ABR: variants seen among roughly 807,000 people sequenced by gnomAD.
ABR encodes the protein ABR activator of RhoGEF and GTPase.
Under a neutral mutation model 107.2 loss-of-function variants are expected in ABR, and 35 were observed. The ratio of observed to expected loss-of-function variants is 0.33; its 90% CI spans 0.25 to 0.43. The LOEUF (loss-of-function observed/expected upper bound fraction) is 0.43, where lower values mean the gene tolerates loss of function less well. Among genes scored for constraint, ABR ranks in the 20% least tolerant of loss-of-function variants. The pLI, the probability that ABR is intolerant of heterozygous loss-of-function variation, is 1.00. For synonymous variants in ABR, 498 were observed against 462.0 expected (o/e 1.08, Z -1.00); for missense variants, 815 against 1,115.2 (o/e 0.73, Z 3.83).
chr17:1,104,661 C>T (rs2038124949), intron 2 of ABR, among the ~76,000 whole-genome samples: 2 of 152,250 alleles, frequency 1.3e-5, no homozygotes, highest in African/African-American at 4.8e-5. Context: ...CCATCTCAGT[C>T]TCAGGACAGC....
chr17:1,031,708 G>T, intron 16 of ABR: 1 of 1,250,044 alleles, frequency 8.0e-7, no homozygotes, highest in Non-Finnish European at 1.0e-6. Context: ...CCCGCCTTCG[G>T]GCTGCAGTCG....
At chr17:1,089,386 T>C (rs2036862110) in intron 4 of ABR, among the ~76,000 whole-genome samples, 1 of 152,328 alleles carries the variant, frequency 6.6e-6, no homozygotes, top group South Asian at 2.1e-4. Context: ...AGGTAAATAC[T>C]GTTACTATCC....
At chr17:1,226,088 C>T (rs1045266905) in intron 1 of ABR, among the ~76,000 whole-genome samples, 1 of 152,182 alleles carries the variant, frequency 6.6e-6, no homozygotes, top group African/African-American at 2.4e-5. Flanking sequence ...CTGCCTGGAG[C>T]TTGCGTTTGA....
Position 1,050,512 on chromosome 17 carries a change from A to C in ABR, c.1659+25T>G. On this transcript the variant is annotated intron_variant, in intron 15 of 22. Transcript: ENST00000302538. The surrounding 1 kb of genome is among the most constrained non-coding windows in gnomAD (Gnocchi z 4.6). ...GAGCACGGGGTGGTGGGGTCCCCAC[A>C]GAGATGCCAGCCCCTGCCACTCACC... 6.2e-7 allele frequency: 1 copy of C among 1,603,988 alleles called. No homozygotes were observed. The highest frequency in any genetic ancestry group is 8.5e-7 in the Non-Finnish European group (1 of 1,171,164).
At chr17:1,105,914 C>T (rs2038215379) in intron 2 of ABR, among the ~76,000 whole-genome samples, 1 of 152,016 alleles carries the variant, frequency 6.6e-6, no homozygotes, top group Admixed American at 6.6e-5. Flanking sequence ...GGTTAATCTG[C>T]ATTACAAAAG....
intron 1 of ABR, among the ~76,000 whole-genome samples, chr17:1,161,555 A>ATTT (rs533692775): frequency 1.5e-5 from 2 of 131,658 alleles, no homozygotes; most frequent in African/African-American, 2.8e-5. Context: ...CAAAGTCACT[A>ATTT]TTTTTTTTTT....
intron 1 of ABR, among the ~76,000 whole-genome samples, chr17:1,158,374 G>A (rs949229041): frequency 6.6e-6 from 1 of 151,766 alleles, no homozygotes; most frequent in African/African-American, 2.4e-5. Flanking sequence ...GGGATTACAG[G>A]CGTGAACCAC....
At position 1,055,959 on chromosome 17, in the gene ABR, G is replaced by T; in HGVS notation, c.1561+76C>A. The stretch of plus-strand genomic sequence containing the variant: ...ATGCCCCATGTCTAAAGGCGTGCTG[G>T]CAGGGCCCCATCCTGGGCAGAGCAG... On this transcript the variant is annotated intron_variant, in intron 14 of 22. Transcript: ENST00000302538. The T allele has an allele frequency of 2.8e-6, 4 of 1,403,764 alleles. No homozygotes were observed. The South Asian group carries it at 3.5e-5, about 12-fold the overall frequency. The allele number at this position is 1,403,764 out of a possible 1,614,324, so 87.0% of individuals were successfully genotyped here.
At chr17:1,081,258 A>T (rs1167267790) in intron 5 of ABR, among the ~76,000 whole-genome samples, 1 of 152,222 alleles carries the variant, frequency 6.6e-6, no homozygotes, top group East Asian at 1.9e-4. Context: ...TATTTTTAAT[A>T]GAGACGGGGT....
chr17:1,057,857 A>T, intron 12 of ABR, 113 bp downstream of exon 12: 1 of 929,866 alleles, frequency 1.1e-6, no homozygotes, highest in Non-Finnish European at 1.8e-6. Flanking sequence ...GGCACCTCTG[A>T]GGGTGACTGC....
intron 1 of ABR, among the ~76,000 whole-genome samples, chr17:1,175,276 G>A (rs2041878096): frequency 6.6e-6 from 1 of 152,162 alleles, no homozygotes; most frequent in Non-Finnish European, 1.5e-5. Context: ...GCCGGGTGTG[G>A]TGGCGGGCAC....
Position 1,078,393 on chromosome 17 carries a change from C to T in ABR, c.700+937G>A, listed in dbSNP as rs1313501252. On this transcript the variant is annotated intron_variant, in intron 6 of 22. Transcript: ENST00000302538. The surrounding 1 kb of genome is among the most constrained non-coding windows in gnomAD (Gnocchi z 7.5). ...CCTCTGGCTCGCGCTGGCACCCTCT[C>T]GGCTGGCAACGCCGCCGTCCGGACC... 2.6e-5 allele frequency among the ~76,000 whole-genome samples: 4 copies of T among 152,158 alleles called. No homozygotes were observed. Among genetic ancestry groups the T allele is most frequent in the Non-Finnish European group, 4.4e-5 (3 of 68,022 alleles).
At chr17:1,073,762 C>A (rs2035450508) in intron 6 of ABR, 85 bp from the exon 7 acceptor site, 1 of 1,257,108 alleles carries the variant, frequency 8.0e-7, no homozygotes, top group Non-Finnish European at 1.1e-6. Flanking sequence ...GTCCCCCCAC[C>A]CGCATGCTTC....
At chr17:1,065,891 G>A (rs181068271) in intron 10 of ABR, among the ~76,000 whole-genome samples, 15 of 151,982 alleles carry the variant, frequency 9.9e-5, no homozygotes, top group East Asian at 3.9e-4. Flanking sequence ...GATTACAGGC[G>A]GAAGCCACCA....
At chr17:1,063,361 A>C (rs879468551) in intron 10 of ABR, among the ~76,000 whole-genome samples, 2 of 123,326 alleles carry the variant, frequency 1.6e-5, no homozygotes, top group African/African-American at 3.0e-5. Context: ...ACGTGAACTG[A>C]GGGCTATACA....
chr17:1,092,027 C>T lies in ABR; in HGVS notation c.346-177G>A, dbSNP rs768779655. Reference sequence around the variant, plus strand: ...AAGGAGCCACTGCCACAGGCCCCAACAAGCCGCACACTCGACAGCAGGAAC... The same window carrying T: ...AAGGAGCCACTGCCACAGGCCCCAATAAGCCGCACACTCGACAGCAGGAAC... On this transcript the variant is annotated intron_variant, in intron 3 of 22. Transcript: ENST00000302538. This position sits in a 1 kb window ranked among gnomAD's most constrained non-coding sequence, Gnocchi z 4.6. Among the ~76,000 whole-genome samples the T allele has an allele frequency of 6.6e-6, 1 of 152,172 alleles. No individual in the cohort carries two copies. The highest frequency in any genetic ancestry group is 2.4e-5 in the African/African-American group (1 of 41,440).
chr17:1,166,551 C>T (rs2041514818), intron 1 of ABR, among the ~76,000 whole-genome samples: 1 of 152,192 alleles, frequency 6.6e-6, no homozygotes, highest in African/African-American at 2.4e-5. Context: ...GGGTTGGACC[C>T]AGTCTCTGAG....
chr17:1,098,395 A>G (rs966009175), intron 3 of ABR, among the ~76,000 whole-genome samples: 1 of 152,106 alleles, frequency 6.6e-6, no homozygotes, highest in South Asian at 2.1e-4. Flanking sequence ...CAGTTTTCAA[A>G]CCCACAACAG....
chr17:1,208,126 G>A (rs2150734441), intron 1 of ABR, among the ~76,000 whole-genome samples: 1 of 152,268 alleles, frequency 6.6e-6, no homozygotes, highest in African/African-American at 2.4e-5. Context: ...CTCTTGTCTA[G>A]GAATGAGGGT....
Sources: allele counts gnomAD v4.1 joint callset (sites outside exome capture counted in the v4.1 genomes callset), GRCh38; gene constraint gnomAD v4.1.1; non-coding constraint Gnocchi (gnomAD v3.1); transcripts MANE v1.5; gene names NCBI Gene and HGNC (gene_info 2026-07-23, HGNC 2026-07-21).